Variants in ACTR3C observed in about 807,000 individuals in gnomAD.
ACTR3C encodes actin-related protein 3C.
Under a neutral mutation model 26.3 loss-of-function variants are expected in ACTR3C, and 18 were observed. The observed-to-expected ratio is 0.68, with a 90% confidence interval of 0.47 to 1.01. The LOEUF is 1.01. Among genes scored for constraint, ACTR3C ranks in the 50% least tolerant of loss-of-function variants. The pLI is 0.00. For missense variants in ACTR3C, 184 were observed against 250.7 expected (o/e 0.73, Z 1.80); for synonymous variants, 55 against 94.5 (o/e 0.58, Z 2.42).
the ACTR3C span, among the ~76,000 whole-genome samples, chr7:150,032,617 T>C: frequency 6.6e-6 from 1 of 152,072 alleles, no homozygotes; most frequent in Non-Finnish European, 1.5e-5. Context: ...CTGCTTGAGA[T>C]TAACACCCAC....
At chr7:150,180,172 G>A in the ACTR3C span, among the ~76,000 whole-genome samples, 8 of 150,084 alleles carry the variant, frequency 5.3e-5, no homozygotes, top group Non-Finnish European at 1.2e-4. Flanking sequence ...GGGCGTGGTC[G>A]TGGGCACCTG....
chr7:150,201,343 C>G, the ACTR3C span, among the ~76,000 whole-genome samples: 112 of 152,314 alleles, frequency 7.4e-4, no homozygotes, highest in Non-Finnish European at 1.3e-3. Context: ...TGCAAAGAAA[C>G]TCCAATGTGG....
chr7:150,038,117 AG>A, the ACTR3C span, among the ~76,000 whole-genome samples: 1 of 141,472 alleles, frequency 7.1e-6, no homozygotes, highest in Non-Finnish European at 1.6e-5. Flanking sequence ...CCCAAGAGCC[AG>A]GGGGGAAGAG....
At chr7:150,126,230 G>A in the ACTR3C span, among the ~76,000 whole-genome samples, 21 of 152,250 alleles carry the variant, frequency 1.4e-4, no homozygotes, top group African/African-American at 3.9e-4. Context: ...AGATTCTCTC[G>A]CTTAAGTTAA....
At chr7:149,985,559 G>C in the ACTR3C span, among the ~76,000 whole-genome samples, 2 of 152,166 alleles carry the variant, frequency 1.3e-5, no homozygotes, top group African/African-American at 4.8e-5. Context: ...AGAGCTAAGT[G>C]GTCGAGCCGG....
chr7:149,961,592 G>A, the ACTR3C span, among the ~76,000 whole-genome samples: 1 of 152,078 alleles, frequency 6.6e-6, no homozygotes, highest in African/African-American at 2.4e-5. Context: ...GATAAGAAGT[G>A]TGTGCTCACA....
the ACTR3C span, among the ~76,000 whole-genome samples, chr7:149,943,107 C>T: frequency 2.0e-5 from 3 of 151,764 alleles, no homozygotes; most frequent in Non-Finnish European, 2.9e-5. Flanking sequence ...GGCCCCGGGG[C>T]CTGCTGTTTT....
chr7:150,276,824 G>A (rs1449226450), intron 6 of ACTR3C, among the ~76,000 whole-genome samples: 4 of 152,080 alleles, frequency 2.6e-5, no homozygotes, highest in Non-Finnish European at 4.4e-5. Context: ...CACTTAACAG[G>A]GCCCCCTGGC....
chr7:150,117,819 C>T, the ACTR3C span, among the ~76,000 whole-genome samples: 786 of 152,348 alleles, frequency 5.2e-3, 24 homozygotes, highest in Admixed American at 0.046. Flanking sequence ...TCGATAGACA[C>T]CTCATACAGG....
the ACTR3C span, among the ~76,000 whole-genome samples, chr7:150,080,510 TGA>T: frequency 2.1e-5 from 3 of 143,308 alleles, no homozygotes; most frequent in Admixed American, 7.1e-5. Context: ...AGCTGCTGTA[TGA>T]GTGTTTGTGT....
the ACTR3C span, among the ~76,000 whole-genome samples, chr7:150,190,510 TGA>T: frequency 6.6e-6 from 1 of 152,218 alleles, no homozygotes; most frequent in Non-Finnish European, 1.5e-5. Context: ...AATTTACACG[TGA>T]GTCTATAATT....
At chr7:150,315,666 AAC>A (rs67007701) in intron 1 of ACTR3C, among the ~76,000 whole-genome samples, 6,958 of 152,262 alleles carry the variant, frequency 0.046, 438 homozygotes, top group African/African-American at 0.14. Flanking sequence ...CCCCCTCAAC[AAC>A]ACAGTTCCCC....
chr7:150,039,365 C>A, the ACTR3C span, among the ~76,000 whole-genome samples: 1 of 100,352 alleles, frequency 1.0e-5, no homozygotes, highest in Admixed American at 1.2e-4. Context: ...TTGCCTCCCC[C>A]TCCTGCGATG....
chr7:150,295,781 A>G (rs1390883178), intron 1 of ACTR3C, among the ~76,000 whole-genome samples: 2 of 146,958 alleles, frequency 1.4e-5, no homozygotes, highest in Non-Finnish European at 3.0e-5. Context: ...TGCTCAGGAC[A>G]GGCCGGTGTG....
intron 6 of ACTR3C, among the ~76,000 whole-genome samples, chr7:150,254,518 C>T (rs2129609533): frequency 6.6e-6 from 1 of 152,176 alleles, no homozygotes; most frequent in East Asian, 1.9e-4. Context: ...ATCAGGCCTC[C>T]CAGACAGTAT....
intron 6 of ACTR3C, among the ~76,000 whole-genome samples, chr7:150,260,599 A>T (rs1176152914): frequency 6.6e-6 from 1 of 152,216 alleles, no homozygotes; most frequent in African/African-American, 2.4e-5. Context: ...ATGGTGTTCA[A>T]TTGTTACCAT....
the ACTR3C span, among the ~76,000 whole-genome samples, chr7:150,237,879 C>T: frequency 1.6e-4 from 23 of 145,284 alleles, no homozygotes; most frequent in Middle Eastern, 3.4e-3. Context: ...ATCCCAGGCA[C>T]TCTGTTTTTT....
At chr7:150,207,054 AC>A in the ACTR3C span, among the ~76,000 whole-genome samples, 1 of 152,194 alleles carries the variant, frequency 6.6e-6, no homozygotes, top group African/African-American at 2.4e-5. Flanking sequence ...TTATGTAATA[AC>A]TGTCTATTAA....
the ACTR3C span, among the ~76,000 whole-genome samples, chr7:150,043,857 C>T: frequency 4.6e-5 from 7 of 152,082 alleles, no homozygotes; most frequent in South Asian, 1.0e-3. Flanking sequence ...GTTAAGAAAT[C>T]GTAAAGTTGA....
Sources: gnomAD v4.1 joint callset for allele counts (sites outside exome capture counted in the v4.1 genomes callset) on GRCh38, gnomAD v4.1.1 for gene constraint, MANE v1.5 for transcripts, NCBI Gene and HGNC (gene_info 2026-07-23, HGNC 2026-07-21) for gene names.